Variants in SGCD observed in about 807,000 individuals in gnomAD.
The protein encoded by SGCD is delta-sarcoglycan.
A neutral mutation model predicts 36.6 loss-of-function variants in SGCD; 18 were observed. The observed-to-expected ratio is 0.49, with a 90% CI of 0.34 to 0.73. The LOEUF is 0.73. SGCD is among the 30% of genes least tolerant of loss of function. The probability of loss-of-function intolerance (pLI) is 0.01; values close to 1 mark genes in which losing one functional copy is unlikely to be tolerated. For synonymous variants in SGCD, 133 were observed against 130.6 expected, an observed-to-expected ratio of 1.02 and a Z score of -0.12; for missense variants, 387 against 346.7, an observed-to-expected ratio of 1.12 and a Z score of -0.92.
chr5:156,113,873 C>A (rs1352066425), intron 1 of SGCD, among the ~76,000 whole-genome samples: 1 of 152,040 alleles, frequency 6.6e-6, no homozygotes, highest in African/African-American at 2.4e-5. Context: ...ATGGAGGAAC[C>A]TTAAAAGTGT....
intron 3 of SGCD, among the ~76,000 whole-genome samples, chr5:156,501,594 C>G (rs569329619): frequency 1.3e-5 from 2 of 152,334 alleles, no homozygotes; most frequent in Non-Finnish European, 2.9e-5. Context: ...CAGATTCCAC[C>G]TACCTGTGCC....
At chr5:156,381,387 T>C (rs1770965999) in intron 3 of SGCD, among the ~76,000 whole-genome samples, 1 of 152,210 alleles carries the variant, frequency 6.6e-6, no homozygotes, top group Non-Finnish European at 1.5e-5. Context: ...TTTTTCATTC[T>C]TGGCAAGGAA....
At chr5:156,581,045 A>G (rs939643925) in intron 4 of SGCD, among the ~76,000 whole-genome samples, 9 of 152,194 alleles carry the variant, frequency 5.9e-5, no homozygotes, top group East Asian at 5.8e-4. Context: ...GGTTTTGTCT[A>G]TCTTTGGTCT....
At chr5:155,841,077 A>G in the SGCD span, among the ~76,000 whole-genome samples, 1 of 147,030 alleles carries the variant, frequency 6.8e-6, no homozygotes, top group Non-Finnish European at 1.5e-5. Context: ...CTACTTGGGC[A>G]TTGTTTCTTT....
intron 1 of SGCD, among the ~76,000 whole-genome samples, chr5:155,887,008 C>T (rs1177968446): frequency 6.6e-6 from 1 of 152,152 alleles, no homozygotes; most frequent in African/African-American, 2.4e-5. Flanking sequence ...TGATGACATC[C>T]CCAGAAGGAA....
intron 6 of SGCD, among the ~76,000 whole-genome samples, chr5:156,642,047 G>A (rs1185708317): frequency 1.3e-5 from 2 of 152,118 alleles, no homozygotes; most frequent in Non-Finnish European, 2.9e-5. Context: ...AGCATGGTCA[G>A]GTTTGGTGGG....
the SGCD span, among the ~76,000 whole-genome samples, chr5:155,780,827 A>C: frequency 6.6e-6 from 1 of 152,202 alleles, no homozygotes; most frequent in Non-Finnish European, 1.5e-5. Flanking sequence ...TGGGAATAAA[A>C]GACCCCAAAG....
chr5:156,113,907 C>G (rs190416628), intron 1 of SGCD, among the ~76,000 whole-genome samples: 53 of 152,144 alleles, frequency 3.5e-4, no homozygotes, highest in Non-Finnish European at 6.2e-4. Context: ...GAAAGCCAAT[C>G]TGTAAAGTCT....
chr5:156,345,421 T>C (rs1281317925), intron 3 of SGCD, among the ~76,000 whole-genome samples: 1 of 152,206 alleles, frequency 6.6e-6, no homozygotes, highest in Non-Finnish European at 1.5e-5. Flanking sequence ...ATACTAGTAA[T>C]GTAAGTAGTC....
chr5:156,465,384 A>G (rs943606770), intron 3 of SGCD, among the ~76,000 whole-genome samples: 1 of 152,168 alleles, frequency 6.6e-6, no homozygotes. Context: ...AGTGAAATGA[A>G]TTGATATACC....
chr5:156,186,768 C>T (rs1211283912), intron 3 of SGCD, among the ~76,000 whole-genome samples: 2 of 152,178 alleles, frequency 1.3e-5, no homozygotes, highest in South Asian at 2.1e-4. Context: ...CTTCAAGACC[C>T]TGAAATCTCT....
At chr5:156,650,512 C>T (rs141854861) in intron 7 of SGCD, among the ~76,000 whole-genome samples, 270 of 152,174 alleles carry the variant, frequency 1.8e-3, no homozygotes, top group African/African-American at 5.9e-3. Flanking sequence ...CTACTAGTCC[C>T]TCAGTGTCTT....
chr5:156,213,481 T>C (rs976632435), intron 3 of SGCD, among the ~76,000 whole-genome samples: 2 of 151,970 alleles, frequency 1.3e-5, no homozygotes, highest in African/African-American at 4.8e-5. Flanking sequence ...ATAAAAAGTC[T>C]CCCACTGAAG....
chr5:155,912,201 G>A (rs914418965), intron 1 of SGCD, among the ~76,000 whole-genome samples: 2 of 152,008 alleles, frequency 1.3e-5, no homozygotes, highest in African/African-American at 2.4e-5. Flanking sequence ...TGCTCCACCT[G>A]GGTGGAACCC....
chr5:155,854,457 T>A, the SGCD span, among the ~76,000 whole-genome samples: 4 of 152,184 alleles, frequency 2.6e-5, no homozygotes, highest in African/African-American at 9.7e-5. Context: ...AGAAGCTTTT[T>A]TTCGTGGATG....
intron 3 of SGCD, among the ~76,000 whole-genome samples, chr5:156,364,352 A>G (rs1265989663): frequency 6.8e-6 from 1 of 146,182 alleles, no homozygotes; most frequent in Non-Finnish European, 1.5e-5. Context: ...CTATCTTATT[A>G]TTAGTGTCAG....
the SGCD span, among the ~76,000 whole-genome samples, chr5:155,798,535 A>G: frequency 6.6e-6 from 1 of 152,214 alleles, no homozygotes; most frequent in South Asian, 2.1e-4. Context: ...ATGTGTTGGA[A>G]CTATTTTTAC....
chr5:155,794,270 C>A, the SGCD span, among the ~76,000 whole-genome samples: 1 of 151,964 alleles, frequency 6.6e-6, no homozygotes, highest in African/African-American at 2.4e-5. Flanking sequence ...TATTCTGGAA[C>A]GTCTATAATT....
At chr5:155,967,916 A>G (rs1024569956) in intron 1 of SGCD, among the ~76,000 whole-genome samples, 4 of 152,034 alleles carry the variant, frequency 2.6e-5, no homozygotes, top group African/African-American at 4.8e-5. Context: ...AGTGATTTCT[A>G]TGTCTCACCT....
Sources: gnomAD v4.1 joint callset for allele counts (sites outside exome capture counted in the v4.1 genomes callset) on GRCh38, gnomAD v4.1.1 for gene constraint, MANE v1.5 for transcripts, NCBI Gene and HGNC (gene_info 2026-07-23, HGNC 2026-07-21) for gene names.